The following SAMD5 variants were observed in gnomAD, a reference collection of about 807,000 sequenced individuals.
The protein encoded by SAMD5 is sterile alpha motif domain containing 5.
Under a neutral mutation model 11.3 loss-of-function variants are expected in SAMD5, and 13 were observed. That is an observed-to-expected ratio of 1.15 (90% CI 0.75 to 1.83). SAMD5 has a LOEUF of 1.83. Among genes scored for constraint, SAMD5 ranks in the 40% most tolerant of loss-of-function variants. The pLI is 0.00. For synonymous variants in SAMD5, 129 were observed against 111.3 expected, an observed-to-expected ratio of 1.16 and a Z score of -1.00; for missense variants, 255 against 239.1, an observed-to-expected ratio of 1.07 and a Z score of -0.44.
the SAMD5 span, among the ~76,000 whole-genome samples, chr6:147,853,396 A>ATATT: frequency 6.6e-6 from 1 of 151,998 alleles, no homozygotes; most frequent in African/African-American, 2.4e-5. Context: ...CTGTAGCAGG[A>ATATT]AGCTAAATTA....
intron 1 of SAMD5, among the ~76,000 whole-genome samples, chr6:147,509,668 G>A (rs1009384970): frequency 6.6e-6 from 1 of 152,176 alleles, no homozygotes. Flanking sequence ...TCAGGAATCG[G>A]ACTCGCGCTG....
At chr6:147,638,634 T>C (rs1464718471) in intron 1 of SAMD5, among the ~76,000 whole-genome samples, 1 of 152,210 alleles carries the variant, frequency 6.6e-6, no homozygotes, top group African/African-American at 2.4e-5. Flanking sequence ...GGTAACTGTG[T>C]GTGCGTGGCC....
intron 1 of SAMD5, among the ~76,000 whole-genome samples, chr6:147,646,079 C>A (rs1790396460): frequency 6.7e-6 from 1 of 149,412 alleles, no homozygotes; most frequent in South Asian, 2.1e-4. Flanking sequence ...TCTATCTAGT[C>A]TTATCTATTC....
At chr6:147,819,477 T>C in the SAMD5 span, among the ~76,000 whole-genome samples, 2 of 152,240 alleles carry the variant, frequency 1.3e-5, no homozygotes, top group Non-Finnish European at 2.9e-5. Context: ...ATCAGATTAA[T>C]TTGCTTTTAG....
At chr6:147,785,918 C>T in the SAMD5 span, among the ~76,000 whole-genome samples, 1 of 152,176 alleles carries the variant, frequency 6.6e-6, no homozygotes, top group South Asian at 2.1e-4. Context: ...ACAATCGCTT[C>T]TTGAATTAGC....
the SAMD5 span, among the ~76,000 whole-genome samples, chr6:147,897,985 T>A: frequency 8.9e-6 from 1 of 112,554 alleles, no homozygotes; most frequent in Non-Finnish European, 1.8e-5. Context: ...AGTAGCCAGG[T>A]GAGGAGAATG....
At chr6:147,710,455 C>T (rs959687513) in intron 1 of SAMD5, among the ~76,000 whole-genome samples, 1 of 152,184 alleles carries the variant, frequency 6.6e-6, no homozygotes, top group African/African-American at 2.4e-5. Flanking sequence ...TGTCTGGCCC[C>T]ATCTCACCCA....
the SAMD5 span, chr6:147,743,293 G>A: frequency 2.6e-5 from 4 of 152,222 alleles, no homozygotes; most frequent in African/African-American, 9.7e-5. Context: ...GGATTACAAG[G>A]TCAGAAAATC....
intron 1 of SAMD5, among the ~76,000 whole-genome samples, chr6:147,680,004 G>A (rs1489281024): frequency 2.0e-5 from 3 of 151,878 alleles, no homozygotes; most frequent in African/African-American, 7.3e-5. Context: ...GATTACTGCA[G>A]ATTTATAATA....
At chr6:147,550,140 G>A (rs1788746462) in intron 1 of SAMD5, among the ~76,000 whole-genome samples, 1 of 151,986 alleles carries the variant, frequency 6.6e-6, no homozygotes, top group South Asian at 2.1e-4. Context: ...CTACTTGGGA[G>A]GCTGAAGAAA....
chr6:147,926,558 T>C, the SAMD5 span, among the ~76,000 whole-genome samples: 1 of 152,158 alleles, frequency 6.6e-6, no homozygotes, highest in Non-Finnish European at 1.5e-5. Flanking sequence ...AAGTTCCTTA[T>C]AGATGCTGGA....
At chr6:147,637,391 C>T (rs1790245166) in intron 1 of SAMD5, among the ~76,000 whole-genome samples, 1 of 152,188 alleles carries the variant, frequency 6.6e-6, no homozygotes, top group South Asian at 2.1e-4. Context: ...TGAACCTCAG[C>T]TTTCTTAAAT....
chr6:147,765,216 T>A, the SAMD5 span, among the ~76,000 whole-genome samples: 3 of 152,188 alleles, frequency 2.0e-5, no homozygotes, highest in Admixed American at 6.5e-5. Context: ...TGTCTTTTTT[T>A]TGTGTTTTCA....
the SAMD5 span, among the ~76,000 whole-genome samples, chr6:147,888,635 C>T: frequency 2.6e-5 from 4 of 152,064 alleles, no homozygotes; most frequent in Admixed American, 2.6e-4. Flanking sequence ...GTAATCCTAG[C>T]AGCTTGGGAG....
At chr6:147,749,917 C>T in the SAMD5 span, among the ~76,000 whole-genome samples, 1 of 152,160 alleles carries the variant, frequency 6.6e-6, no homozygotes, top group Non-Finnish European at 1.5e-5. Flanking sequence ...ATAAAACCCG[C>T]TTATTTTCAT....
At chr6:147,940,591 A>C in the SAMD5 span, among the ~76,000 whole-genome samples, 1 of 152,212 alleles carries the variant, frequency 6.6e-6, no homozygotes, top group Non-Finnish European at 1.5e-5. Flanking sequence ...CAGTGTCAGC[A>C]AGTATCATGT....
the SAMD5 span, among the ~76,000 whole-genome samples, chr6:147,923,230 G>A: frequency 2.0e-5 from 3 of 152,170 alleles, no homozygotes; most frequent in Admixed American, 6.5e-5. Flanking sequence ...TATAACAAGT[G>A]CAAATCTGAA....
chr6:147,572,850 CT>C (rs1298437289), downstream of SAMD5, among the ~76,000 whole-genome samples: 1 of 152,134 alleles, frequency 6.6e-6, no homozygotes, highest in Non-Finnish European at 1.5e-5. Context: ...GACACATCCC[CT>C]TTTGGATATA....
chr6:147,861,821 G>C, the SAMD5 span, among the ~76,000 whole-genome samples: 1 of 152,172 alleles, frequency 6.6e-6, no homozygotes, highest in African/African-American at 2.4e-5. Flanking sequence ...TCTCTGAGGG[G>C]ATGCCCCTCA....
Sources: allele counts gnomAD v4.1 joint callset (sites outside exome capture counted in the v4.1 genomes callset), GRCh38; gene constraint gnomAD v4.1.1; transcripts MANE v1.5; gene names NCBI Gene and HGNC (gene_info 2026-07-23, HGNC 2026-07-21).